The following PTPRD variants were observed in gnomAD, a reference collection of about 807,000 sequenced individuals.
PTPRD encodes protein tyrosine phosphatase receptor type D.
Under a neutral mutation model 214.5 loss-of-function variants are expected in PTPRD, and 34 were observed. The ratio of observed to expected loss-of-function variants is 0.16; its 90% confidence interval spans 0.12 to 0.21. The LOEUF (loss-of-function observed/expected upper bound fraction) is 0.21. PTPRD is among the 10% of genes least tolerant of loss of function. PTPRD has a pLI of 1.00. For synonymous variants in PTPRD, 1,128 were observed against 845.7 expected, an observed-to-expected ratio of 1.33 and a Z score of -5.79; for missense variants, 2,545 against 2,398.7, an observed-to-expected ratio of 1.06 and a Z score of -1.27.
At chr9:9,730,381 G>A (rs2225979) in intron 7 of PTPRD, among the ~76,000 whole-genome samples, 88,614 of 151,878 alleles carry the variant, frequency 0.58, 28,374 homozygotes, top group African/African-American at 0.84. Context: ...CTGCAGAAGG[G>A]TTAAGTGGGT....
At chr9:10,229,109 C>A (rs1242165975) in intron 3 of PTPRD, among the ~76,000 whole-genome samples, 1 of 152,008 alleles carries the variant, frequency 6.6e-6, no homozygotes, top group Admixed American at 6.6e-5. Context: ...AAATGCTCAT[C>A]ATCACTGGCC....
chr9:8,703,538 G>T (rs1330627204), intron 12 of PTPRD, among the ~76,000 whole-genome samples: 1 of 152,010 alleles, frequency 6.6e-6, no homozygotes, highest in African/African-American at 2.4e-5. Context: ...CTATGCATGC[G>T]GCCTCTAGGA....
chr9:9,114,052 C>A (rs2099809742), intron 10 of PTPRD, among the ~76,000 whole-genome samples: 1 of 152,094 alleles, frequency 6.6e-6, no homozygotes, highest in African/African-American at 2.4e-5. Context: ...TGGTGAGAAT[C>A]ACTATAAGAG....
rs1330246812 is a variant in PTPRD at position 10,149,730 on chromosome 9, T to C, written c.-544-115940A>G. On this transcript the variant is annotated intron_variant, in intron 3 of 45. Transcript: ENST00000381196. ...TCTGGCACAATACCTTGTCTTTTTT[T>C]TTCTTTTTTTTTTTTTCTGAGATGG... Among the ~76,000 whole-genome samples the C allele has an allele frequency of 2.6e-5, 4 of 151,792 alleles. No homozygotes were observed. The East Asian group carries it at 7.7e-4, about 29-fold the overall frequency.
At chr9:10,474,574 C>A (rs574908000) in intron 2 of PTPRD, among the ~76,000 whole-genome samples, 1 of 151,612 alleles carries the variant, frequency 6.6e-6, no homozygotes, top group African/African-American at 2.4e-5. Context: ...AATATTAGAT[C>A]AAAGAGGCAG....
At chr9:10,086,129 G>C (rs563994846) in intron 3 of PTPRD, among the ~76,000 whole-genome samples, 15 of 151,668 alleles carry the variant, frequency 9.9e-5, no homozygotes, top group Non-Finnish European at 2.2e-4. Flanking sequence ...AGCATATTGG[G>C]GGCACGTAAT....
intron 9 of PTPRD, among the ~76,000 whole-genome samples, chr9:9,343,144 TG>T (rs2047475643): frequency 6.6e-6 from 1 of 152,214 alleles, no homozygotes. Flanking sequence ...GATAGGCATT[TG>T]GGTTGGTTCC....
At chr9:8,688,158 G>A (rs990401262) in intron 12 of PTPRD, among the ~76,000 whole-genome samples, 2 of 152,080 alleles carry the variant, frequency 1.3e-5, no homozygotes, top group African/African-American at 4.8e-5. Context: ...TTTTCATAAG[G>A]GACAGATGTA....
At chr9:9,642,415 TA>T (rs202224711) in intron 7 of PTPRD, among the ~76,000 whole-genome samples, 162 of 151,918 alleles carry the variant, frequency 1.1e-3, no homozygotes, top group African/African-American at 3.6e-3. Context: ...TAAAGTATAA[TA>T]AAAAAAATAA....
At chr9:10,065,005 A>G (rs1004299726) in intron 3 of PTPRD, among the ~76,000 whole-genome samples, 2 of 151,958 alleles carry the variant, frequency 1.3e-5, no homozygotes, top group African/African-American at 4.8e-5. Context: ...CATTTAATTA[A>G]GAACCAGGGA....
intron 2 of PTPRD, among the ~76,000 whole-genome samples, chr9:10,387,447 C>T (rs561356145): frequency 6.6e-6 from 1 of 151,938 alleles, no homozygotes; most frequent in Admixed American, 6.6e-5. Flanking sequence ...CATAGGTCTC[C>T]TCATCCTCAT....
chr9:9,064,802 G>C (rs2099722811), intron 10 of PTPRD, among the ~76,000 whole-genome samples: 1 of 152,132 alleles, frequency 6.6e-6, no homozygotes, highest in African/African-American at 2.4e-5. Context: ...TTTGTGTTCA[G>C]AAAAGCGACT....
chr9:8,951,161 G>A (rs1017014518), intron 11 of PTPRD, among the ~76,000 whole-genome samples: 10 of 150,360 alleles, frequency 6.7e-5, no homozygotes, highest in African/African-American at 2.4e-4. Flanking sequence ...GTGTGTGTAA[G>A]AGAGAGAGAG....
At chr9:10,419,861 T>C (rs1180743252) in intron 2 of PTPRD, among the ~76,000 whole-genome samples, 1 of 151,940 alleles carries the variant, frequency 6.6e-6, no homozygotes, top group African/African-American at 2.4e-5. Context: ...GAAAATTCAA[T>C]ATTTAAACAT....
chr9:8,993,468 T>C (rs2099385334), intron 11 of PTPRD, among the ~76,000 whole-genome samples: 1 of 152,194 alleles, frequency 6.6e-6, no homozygotes, highest in Non-Finnish European at 1.5e-5. Flanking sequence ...AACAATTCTG[T>C]TGAAAATTTG....
chr9:9,316,955 C>T (rs962590046), intron 9 of PTPRD, among the ~76,000 whole-genome samples: 4 of 152,116 alleles, frequency 2.6e-5, no homozygotes, highest in African/African-American at 9.7e-5. Context: ...ATATAGGAAT[C>T]TGCCCTCATT....
chr9:8,589,015 T>C (rs1226712291), intron 14 of PTPRD, among the ~76,000 whole-genome samples: 1 of 152,192 alleles, frequency 6.6e-6, no homozygotes, highest in Non-Finnish European at 1.5e-5. Flanking sequence ...GAAATCCCTA[T>C]AGATTCTTAC....
chr9:10,117,375 G>A (rs1359964947), intron 3 of PTPRD, among the ~76,000 whole-genome samples: 1 of 152,054 alleles, frequency 6.6e-6, no homozygotes, highest in Non-Finnish European at 1.5e-5. Context: ...TCCTAGTGCT[G>A]CCATAAAACA....
At chr9:9,601,463 T>C (rs750063775) in intron 7 of PTPRD, among the ~76,000 whole-genome samples, 24 of 152,062 alleles carry the variant, frequency 1.6e-4, no homozygotes, top group African/African-American at 3.1e-4. Flanking sequence ...ATATAAACAA[T>C]ACATGATTAG....
Sources: gnomAD v4.1 joint callset for allele counts (sites outside exome capture counted in the v4.1 genomes callset) on GRCh38, gnomAD v4.1.1 for gene constraint, MANE v1.5 for transcripts, NCBI Gene and HGNC (gene_info 2026-07-23, HGNC 2026-07-21) for gene names.